The following FMN2 variants were observed in gnomAD, a reference collection of about 807,000 sequenced individuals.
FMN2 encodes formin-2.
A neutral mutation model predicts 142.3 loss-of-function variants in FMN2; 51 were observed. The observed-to-expected ratio is 0.36, with a 90% CI of 0.29 to 0.45. The LOEUF (loss-of-function observed/expected upper bound fraction) is 0.45, where lower values mean the gene tolerates loss of function less well. FMN2 is among the 20% of genes least tolerant of loss of function. The probability of loss-of-function intolerance (pLI) is 1.00; values close to 1 mark genes in which losing one functional copy is unlikely to be tolerated. For synonymous variants in FMN2, 882 were observed against 869.8 expected, an observed-to-expected ratio of 1.01 and a Z score of -0.25; for missense variants, 1,936 against 2,122.8, an observed-to-expected ratio of 0.91 and a Z score of 1.73.
chr1:240,111,159 G>A (rs1043214256), intron 1 of FMN2, among the ~76,000 whole-genome samples: 1 of 152,148 alleles, frequency 6.6e-6, no homozygotes, highest in Non-Finnish European at 1.5e-5. Flanking sequence ...CGGAGGTAAT[G>A]AGGATGATTA....
intron 3 of FMN2, among the ~76,000 whole-genome samples, chr1:240,185,494 A>G (rs768360033): frequency 3.9e-5 from 6 of 152,244 alleles, no homozygotes; most frequent in Non-Finnish European, 8.8e-5. Context: ...CAGTTCAGGT[A>G]GCCATTGAAT....
intron 2 of FMN2, among the ~76,000 whole-genome samples, chr1:240,128,735 C>G (rs1662611614): frequency 6.6e-6 from 1 of 152,158 alleles, no homozygotes; most frequent in South Asian, 2.1e-4. Context: ...GATCTTGAAC[C>G]TGTTGAAAGA....
intron 15 of FMN2, among the ~76,000 whole-genome samples, chr1:240,414,808 T>C (rs781139726): frequency 3.3e-5 from 5 of 152,192 alleles, no homozygotes; most frequent in African/African-American, 7.2e-5. Flanking sequence ...AAAAATCTAC[T>C]ATTTTGACCC....
At chr1:240,398,158 G>A (rs1673848970) in intron 15 of FMN2, among the ~76,000 whole-genome samples, 1 of 151,956 alleles carries the variant, frequency 6.6e-6, no homozygotes, top group African/African-American at 2.4e-5. Context: ...GCCATACCCA[G>A]CTAACTTTTT....
Position 240,207,259 on chromosome 1 carries a change from T to G in FMN2, c.2447T>G (p.Leu816Arg), listed in dbSNP as rs149284185. 1.2e-5 allele frequency: 19 copies of G among 1,613,850 alleles called. No individual in the cohort carries two copies. The African/African-American group carries it at 2.3e-4, about 19-fold the overall frequency. ...SISQPPPPPS[L>R]LWSAGQGQPG... ...TCACAGCCTCCACCACCTCCATCCCTTCTGTGGTCTGCTGGGCAAGGACAG... is the reference window on the plus strand; with the variant it reads ...TCACAGCCTCCACCACCTCCATCCCGTCTGTGGTCTGCTGGGCAAGGACAG... Residue 816 changes from leucine (L) to arginine (R), a missense_variant, in exon 5 of 18, where the codon CTT becomes CGT. Physicochemically the swap from Leu to Arg is moderately radical, Grantham distance 102. Around this residue, in one of 8 missense-constraint regions of FMN2, gnomAD observed 478 missense variants for 462.8 expected, o/e 1.03. Transcript: ENST00000319653.
At chr1:240,320,874 A>G (rs1018678942) in intron 8 of FMN2, among the ~76,000 whole-genome samples, 1 of 152,224 alleles carries the variant, frequency 6.6e-6, no homozygotes, top group African/African-American at 2.4e-5. Context: ...AAGCAGCGGT[A>G]GGTAAAAACG....
At chr1:240,289,017 A>G (rs941413189) in intron 7 of FMN2, among the ~76,000 whole-genome samples, 3 of 152,170 alleles carry the variant, frequency 2.0e-5, no homozygotes, top group Admixed American at 2.0e-4. Context: ...TGACCCACAG[A>G]ACGTGTGAGA....
intron 2 of FMN2, among the ~76,000 whole-genome samples, chr1:240,172,778 A>G (rs1664760710): frequency 6.6e-6 from 1 of 152,162 alleles, no homozygotes; most frequent in African/African-American, 2.4e-5. Flanking sequence ...TCCATATGAT[A>G]CCCACAAAGT....
chr1:240,124,069 T>G (rs1662402203), intron 2 of FMN2, among the ~76,000 whole-genome samples: 1 of 152,246 alleles, frequency 6.6e-6, no homozygotes, highest in African/African-American at 2.4e-5. Flanking sequence ...TATACGTTCA[T>G]CCATCAATGG....
chr1:240,176,717 C>T (rs12069724), intron 2 of FMN2, among the ~76,000 whole-genome samples: 1,857 of 152,262 alleles, frequency 0.012, 43 homozygotes, highest in African/African-American at 0.041. Context: ...TGCTAAATAG[C>T]GCAGTTTCTG....
chr1:240,405,585 T>C (rs1474427189), intron 15 of FMN2, among the ~76,000 whole-genome samples: 2 of 148,904 alleles, frequency 1.3e-5, no homozygotes, highest in Non-Finnish European at 3.0e-5. Context: ...GCCACTGCAC[T>C]CCAGCCTGGG....
At chr1:240,248,018 C>T (rs1278191276) in intron 6 of FMN2, among the ~76,000 whole-genome samples, 1 of 151,926 alleles carries the variant, frequency 6.6e-6, no homozygotes, top group African/African-American at 2.4e-5. Context: ...TAACTATGCT[C>T]ACCCTCCTCT....
chr1:240,092,199 G>A lies in FMN2; in HGVS notation c.90G>A (p.Arg30=), dbSNP rs1660997288. ...GCGCCGAGGATGCGCTGGGGCCCAG[G>A]GATGTGGAAGCCACAAAGAAGGGGA... is the stretch of plus-strand genomic sequence containing the variant. The part of the protein sequence containing the change: ...GGGAEDALGP[R]DVEATKKGSG... Residue 30 remains arginine (R), a synonymous_variant, in exon 1 of 18, where the codon AGG becomes AGA. Coordinates refer to ENST00000319653, the MANE Select transcript of FMN2 (RefSeq NM_020066.5). The A allele has an allele frequency of 6.3e-7, 1 of 1,582,480 alleles. No individual in the cohort carries two copies. The highest frequency in any genetic ancestry group is 8.6e-7 in the Non-Finnish European group (1 of 1,165,420).
intron 13 of FMN2, among the ~76,000 whole-genome samples, chr1:240,350,860 G>A (rs1672074283): frequency 6.6e-6 from 1 of 152,162 alleles, no homozygotes; most frequent in Non-Finnish European, 1.5e-5. Context: ...TGTCTGGTGG[G>A]TGAATAGCAT....
intron 2 of FMN2, among the ~76,000 whole-genome samples, chr1:240,140,257 A>G (rs990025474): frequency 3.3e-5 from 5 of 152,156 alleles, no homozygotes; most frequent in African/African-American, 1.2e-4. Flanking sequence ...AAACACATTA[A>G]GCTTTCTATG....
At chr1:240,449,338 G>C (rs144688092) in intron 16 of FMN2, among the ~76,000 whole-genome samples, 32 of 152,172 alleles carry the variant, frequency 2.1e-4, no homozygotes, top group Middle Eastern at 3.4e-3. Context: ...CCCACTCCAT[G>C]GCCTTCTGAC....
chr1:240,198,556 C>A (rs1666008785), intron 4 of FMN2, among the ~76,000 whole-genome samples: 1 of 152,146 alleles, frequency 6.6e-6, no homozygotes, highest in Admixed American at 6.5e-5. Context: ...CATCTCAGCT[C>A]CCTGTGTGAG....
At chr1:240,325,113 A>G (rs1193885908) in intron 8 of FMN2, among the ~76,000 whole-genome samples, 2 of 152,060 alleles carry the variant, frequency 1.3e-5, no homozygotes, top group African/African-American at 2.4e-5. Flanking sequence ...TTCATACTGT[A>G]TATCTAGGCT....
intron 8 of FMN2, among the ~76,000 whole-genome samples, chr1:240,311,255 C>T (rs1005673930): frequency 2.0e-5 from 3 of 152,158 alleles, no homozygotes; most frequent in African/African-American, 7.2e-5. Context: ...ATGCATGCCA[C>T]ATGATACAGC....
Sources: allele counts gnomAD v4.1 joint callset (sites outside exome capture counted in the v4.1 genomes callset), GRCh38; gene constraint gnomAD v4.1.1; regional missense constraint gnomAD v4.1.1; transcripts MANE v1.5; gene names NCBI Gene and HGNC (gene_info 2026-07-23, HGNC 2026-07-21).